BCKDHB: variants seen among roughly 807,000 people sequenced by gnomAD.
BCKDHB encodes 2-oxoisovalerate dehydrogenase subunit beta, mitochondrial.
Under a neutral mutation model 48.5 loss-of-function variants are expected in BCKDHB, and 41 were observed. The ratio of observed to expected loss-of-function variants is 0.85; its 90% CI spans 0.66 to 1.10. BCKDHB has a LOEUF of 1.10. Ranked by LOEUF, BCKDHB falls within the 50% of genes least tolerant of loss-of-function variation. The pLI, the probability that BCKDHB is intolerant of heterozygous loss-of-function variation, is 0.00. For synonymous variants in BCKDHB, 201 were observed against 174.8 expected, an observed-to-expected ratio of 1.15 and a Z score of -1.18; for missense variants, 496 against 494.2, an observed-to-expected ratio of 1.00 and a Z score of -0.03.
At chr6:80,280,991 C>A (rs78590983) in intron 9 of BCKDHB, among the ~76,000 whole-genome samples, 1,936 of 151,804 alleles carry the variant, frequency 0.013, 18 homozygotes, top group Non-Finnish European at 0.021. Flanking sequence ...TGCAGTTTCA[C>A]TGAGATGGGG....
the BCKDHB span, among the ~76,000 whole-genome samples, chr6:80,352,366 G>A: frequency 6.6e-6 from 1 of 152,130 alleles, no homozygotes; most frequent in Non-Finnish European, 1.5e-5. Context: ...TCTATATTGA[G>A]GAATGCTGCA....
the BCKDHB span, among the ~76,000 whole-genome samples, chr6:80,397,622 C>A: frequency 6.6e-6 from 1 of 152,126 alleles, no homozygotes; most frequent in Non-Finnish European, 1.5e-5. Flanking sequence ...GAGGTTCACA[C>A]CTGTAATACC....
the BCKDHB span, among the ~76,000 whole-genome samples, chr6:80,433,322 C>T: frequency 2.0e-5 from 3 of 152,138 alleles, no homozygotes; most frequent in African/African-American, 4.8e-5. Flanking sequence ...TTTAAGTCCC[C>T]AACTGGGGCT....
intron 8 of BCKDHB, among the ~76,000 whole-genome samples, chr6:80,219,532 TC>T (rs1775319467): frequency 2.6e-5 from 4 of 152,110 alleles, no homozygotes; most frequent in Admixed American, 2.0e-4. Context: ...AATTTCCTTT[TC>T]CAGTCTTGAC....
the BCKDHB span, among the ~76,000 whole-genome samples, chr6:80,428,246 C>A: frequency 6.6e-6 from 1 of 152,130 alleles, no homozygotes; most frequent in Non-Finnish European, 1.5e-5. Context: ...TGTATATGTA[C>A]CACATTTTCT....
At chr6:80,106,942 C>T in intron 1 of BCKDHB, 53 bp downstream of exon 1, 3 of 1,559,148 alleles carry the variant, frequency 1.9e-6, no homozygotes, top group South Asian at 1.2e-5. Flanking sequence ...CTCCCAGGCT[C>T]GCAGGCGCCC....
chr6:80,304,659 C>A (rs1767762469), intron 9 of BCKDHB, among the ~76,000 whole-genome samples: 1 of 152,238 alleles, frequency 6.6e-6, no homozygotes, highest in Middle Eastern at 3.4e-3. Flanking sequence ...AACTGTAAAT[C>A]AATCTCACTC....
intron 6 of BCKDHB, among the ~76,000 whole-genome samples, chr6:80,198,773 A>T (rs1562128889): frequency 6.6e-6 from 1 of 152,236 alleles, no homozygotes; most frequent in Admixed American, 6.5e-5. Context: ...AAATATCTGA[A>T]TAGATATGGA....
At chr6:80,338,393 G>C (rs2179840) in intron 9 of BCKDHB, among the ~76,000 whole-genome samples, 117,542 of 151,730 alleles carry the variant, frequency 0.77, 45,905 homozygotes, top group Admixed American at 0.84. Context: ...TCCAGCCCCC[G>C]ACCCCGGAAC....
intron 3 of BCKDHB, among the ~76,000 whole-genome samples, chr6:80,165,283 A>G (rs534396556): frequency 2.3e-4 from 35 of 152,294 alleles, no homozygotes; most frequent in Middle Eastern, 3.4e-3. Context: ...AAGATTATCA[A>G]GCTACTCACA....
intron 9 of BCKDHB, among the ~76,000 whole-genome samples, chr6:80,317,388 A>G (rs563793910): frequency 2.6e-5 from 4 of 152,278 alleles, no homozygotes; most frequent in South Asian, 4.2e-4. Flanking sequence ...CTAGGGGACT[A>G]TCTGTTTCCT....
At chr6:80,465,508 AT>A in the BCKDHB span, among the ~76,000 whole-genome samples, 1 of 152,082 alleles carries the variant, frequency 6.6e-6, no homozygotes, top group Non-Finnish European at 1.5e-5. Context: ...CTGTCAAAAC[AT>A]TTTCCTTCTC....
At chr6:80,386,414 A>T in the BCKDHB span, among the ~76,000 whole-genome samples, 1 of 151,856 alleles carries the variant, frequency 6.6e-6, no homozygotes, top group South Asian at 2.1e-4. Context: ...CTTTGCAGGA[A>T]TATAGATGGG....
At chr6:80,433,509 G>A in the BCKDHB span, among the ~76,000 whole-genome samples, 2 of 152,134 alleles carry the variant, frequency 1.3e-5, no homozygotes, top group East Asian at 1.9e-4. Flanking sequence ...ACCCCTCCCC[G>A]CGCCAAGCTT....
At chr6:80,260,212 GGT>G (rs148736682) in intron 8 of BCKDHB, among the ~76,000 whole-genome samples, 5 of 151,230 alleles carry the variant, frequency 3.3e-5, no homozygotes, top group East Asian at 2.0e-4. Flanking sequence ...GGTAATGGTG[GGT>G]GTGTGTGTGT....
intron 9 of BCKDHB, among the ~76,000 whole-genome samples, chr6:80,281,908 T>C (rs1370457389): frequency 6.7e-6 from 1 of 149,978 alleles, no homozygotes; most frequent in Non-Finnish European, 1.5e-5. Context: ...AGGTAGAAAA[T>C]AGCTTATATT....
intron 8 of BCKDHB, among the ~76,000 whole-genome samples, chr6:80,240,078 G>A (rs1776316859): frequency 6.6e-6 from 1 of 152,016 alleles, no homozygotes. Context: ...ATTGTCTTGG[G>A]AATGTGGGCT....
the BCKDHB span, among the ~76,000 whole-genome samples, chr6:80,431,783 T>G: frequency 1.3e-5 from 2 of 152,172 alleles, no homozygotes; most frequent in South Asian, 4.1e-4. Flanking sequence ...AATTTGCCAG[T>G]CTGTGTCTTT....
At chr6:80,110,804 C>T (rs933356972) in intron 1 of BCKDHB, among the ~76,000 whole-genome samples, 1 of 152,154 alleles carries the variant, frequency 6.6e-6, no homozygotes, top group African/African-American at 2.4e-5. Flanking sequence ...TCCTTGCTTC[C>T]AGCTTAATTG....
Sources: allele counts gnomAD v4.1 joint callset (sites outside exome capture counted in the v4.1 genomes callset), GRCh38; gene constraint gnomAD v4.1.1; transcripts MANE v1.5; gene names NCBI Gene and HGNC (gene_info 2026-07-23, HGNC 2026-07-21).